CFTR: variants seen among roughly 807,000 people sequenced by gnomAD.
CFTR encodes CF transmembrane conductance regulator.
In CFTR, 181 loss-of-function variants were observed where a neutral mutation model predicts 171.6. The observed-to-expected ratio is 1.05, with a 90% CI of 0.93 to 1.19. The LOEUF (loss-of-function observed/expected upper bound fraction) is 1.19, where lower values mean the gene tolerates loss of function less well. CFTR is among the 50% of genes most tolerant of loss of function. The pLI is 0.00. For missense variants in CFTR, 1,968 were observed against 1,734.7 expected (o/e 1.13, Z -2.39); for synonymous variants, 583 against 608.0 (o/e 0.96, Z 0.60).
intron 19 of CFTR, among the ~76,000 whole-genome samples, chr7:117,611,157 T>C (rs899070051): frequency 6.6e-6 from 1 of 152,156 alleles, no homozygotes; most frequent in Admixed American, 6.6e-5. Flanking sequence ...TTAGTGTGGG[T>C]GCATTTTCAG....
intron 1 of CFTR, among the ~76,000 whole-genome samples, chr7:117,487,294 A>T (rs1353889655): frequency 2.0e-5 from 3 of 152,168 alleles, no homozygotes; most frequent in Admixed American, 2.0e-4. Context: ...ATTGTGGCAT[A>T]GTGTGACCTG....
intron 22 of CFTR, among the ~76,000 whole-genome samples, chr7:117,632,002 G>C (rs1047242405): frequency 6.6e-6 from 1 of 152,102 alleles, no homozygotes; most frequent in African/African-American, 2.4e-5. Context: ...CACATTGTTG[G>C]TGTCAGAAGT....
intron 1 of CFTR, among the ~76,000 whole-genome samples, chr7:117,502,817 G>A (rs957343317): frequency 1.3e-4 from 20 of 152,122 alleles, no homozygotes; most frequent in Non-Finnish European, 2.2e-4. Context: ...GTTAAAATGC[G>A]GATATTGCAA....
intron 3 of CFTR, among the ~76,000 whole-genome samples, chr7:117,517,168 A>T (rs927942694): frequency 1.3e-5 from 2 of 152,114 alleles, no homozygotes. Context: ...TCAGCCCATC[A>T]TCTACATTAG....
At chr7:117,500,278 CT>C (rs745627454) in intron 1 of CFTR, among the ~76,000 whole-genome samples, 5,372 of 76,216 alleles carry the variant, frequency 0.07, 61 homozygotes, top group East Asian at 0.25. Context: ...TTCTTCCTTT[CT>C]TTTTTTTTTT....
rs865990127 is a variant in CFTR at position 117,618,279 on chromosome 7, G to A, written c.3468+3566G>A. On this transcript the variant is annotated intron_variant, in intron 21 of 26. Transcript: ENST00000003084. ...CGAGGCAGGCGAATTACTTGAGGTC[G>A]GGAGTTTGAGACCAGCCTGGCCAAC... is the stretch of plus-strand genomic sequence containing the variant. Among the ~76,000 whole-genome samples the A allele has an allele frequency of 1.3e-5, 2 of 151,928 alleles. No individual in the cohort carries two copies. The highest frequency in any genetic ancestry group is 2.4e-5 in the African/African-American group (1 of 41,366).
chr7:117,612,027 A>ATATATATATATATATATATG (rs1792404512), intron 20 of CFTR, among the ~76,000 whole-genome samples: 1 of 66,026 alleles, frequency 1.5e-5, no homozygotes, highest in Non-Finnish European at 3.0e-5. Flanking sequence ...ATATATGTAT[A>ATATATATATATATATATATG]TATATATATA....
At chr7:117,530,824 T>C in intron 3 of CFTR, 75 bp from the exon 4 acceptor site, 1 of 980,796 alleles carries the variant, frequency 1.0e-6, no homozygotes, top group Non-Finnish European at 1.6e-6. Flanking sequence ...AGATGAAAAG[T>C]CTTGTGTTGA....
rs1800083 is a variant in CFTR at position 117,540,145 on chromosome 7, C to T, written c.915C>T (p.Phe305=). Residue 305 remains phenylalanine (F), a synonymous_variant, in exon 8 of 27, where the codon TTC becomes TTT. Coordinates refer to ENST00000003084, the MANE Select transcript of CFTR (RefSeq NM_000492.4). ...LTRKAAYVRY[F]NSSAFFFSGF... is the part of the protein sequence containing the mutation. The stretch of plus-strand genomic sequence containing the variant: ...GGAAGGCAGCCTATGTGAGATACTT[C>T]AATAGCTCAGCCTTCTTCTTCTCAG... 1.9e-6 allele frequency: 3 copies of T among 1,613,556 alleles called. No homozygotes were observed. The highest frequency in any genetic ancestry group is 2.5e-6 in the Non-Finnish European group (3 of 1,179,512).
At chr7:117,581,673 G>A (rs1791851839) in intron 11 of CFTR, among the ~76,000 whole-genome samples, 1 of 152,186 alleles carries the variant, frequency 6.6e-6, no homozygotes, top group South Asian at 2.1e-4. Context: ...TGGAGACAGG[G>A]CTAGAAAACA....
Position 117,504,312 on chromosome 7 carries a change from A to G in CFTR, c.113A>G (p.Tyr38Cys), listed in dbSNP as rs758826243. 6 of 1,612,684 alleles carry G rather than the reference A, an allele frequency of 3.7e-6. No homozygotes were observed. In the East Asian group the frequency reaches 8.9e-5, roughly 24 times the overall value. ...CAGCGCCTGGAATTGTCAGACATAT[A>G]CCAAATCCCTTCTGTTGATTCTGCT... ...YRQRLELSDI[Y>C]QIPSVDSADN... Residue 38 changes from tyrosine to cysteine, a missense_variant, in exon 2 of 27, where the codon TAC becomes TGC. By Grantham distance (194) the Tyr-to-Cys change is radical. Coordinates refer to ENST00000003084, the MANE Select transcript of CFTR (RefSeq NM_000492.4).
chr7:117,486,159 T>C (rs1028642402), intron 1 of CFTR, among the ~76,000 whole-genome samples: 9 of 152,158 alleles, frequency 5.9e-5, no homozygotes, highest in Admixed American at 3.9e-4. Flanking sequence ...ATGAAGATTT[T>C]TGCTAGGTCC....
At chr7:117,509,695 A>G (rs1382892515) in intron 3 of CFTR, among the ~76,000 whole-genome samples, 4 of 152,178 alleles carry the variant, frequency 2.6e-5, no homozygotes, top group Non-Finnish European at 5.9e-5. Context: ...CATCAGTGTG[A>G]AAAGTTGCAC....
At chr7:117,509,283 A>G (rs1018686771) in intron 3 of CFTR, 141 bp downstream of exon 3, 13 of 660,542 alleles carry the variant, frequency 2.0e-5, no homozygotes, top group Admixed American at 5.2e-5. Context: ...AACCACCTAA[A>G]ACTCTAGTAA....
At chr7:117,593,664 C>T (rs570084695) in intron 14 of CFTR, among the ~76,000 whole-genome samples, 22 of 152,118 alleles carry the variant, frequency 1.4e-4, no homozygotes, top group Non-Finnish European at 2.9e-4. Context: ...GGTGCAACCT[C>T]GGCTCACTGC....
At chr7:117,556,738 C>G (rs1364887215) in intron 10 of CFTR, among the ~76,000 whole-genome samples, 2 of 148,106 alleles carry the variant, frequency 1.4e-5, no homozygotes, top group South Asian at 4.3e-4. Flanking sequence ...CCGGGATGGT[C>G]TCGATCTCCT....
chr7:117,565,271 T>G (rs936499782), intron 11 of CFTR, among the ~76,000 whole-genome samples: 2 of 152,204 alleles, frequency 1.3e-5, no homozygotes, highest in Non-Finnish European at 2.9e-5. Flanking sequence ...AATTTACTTA[T>G]CCCTTATGAG....
intron 23 of CFTR, among the ~76,000 whole-genome samples, chr7:117,642,936 C>T (rs954553466): frequency 3.9e-5 from 6 of 152,100 alleles, no homozygotes; most frequent in Admixed American, 6.6e-5. Flanking sequence ...AAATGCTTTG[C>T]GAGACATAAC....
At chr7:117,494,321 A>G (rs1798205468) in intron 1 of CFTR, among the ~76,000 whole-genome samples, 2 of 152,048 alleles carry the variant, frequency 1.3e-5, no homozygotes, top group Admixed American at 1.3e-4. Flanking sequence ...GATTTAATAA[A>G]TAGTGGTTTT....
Sources: allele counts gnomAD v4.1 joint callset (sites outside exome capture counted in the v4.1 genomes callset), GRCh38; gene constraint gnomAD v4.1.1; transcripts MANE v1.5; gene names NCBI Gene and HGNC (gene_info 2026-07-23, HGNC 2026-07-21).